Variants in VPS13D observed in about 807,000 individuals in gnomAD.
VPS13D encodes vacuolar protein sorting 13 homolog D.
In VPS13D, 187 loss-of-function variants were observed where a neutral mutation model predicts 461.9. The ratio of observed to expected loss-of-function variants is 0.40; its 90% CI spans 0.36 to 0.46. The LOEUF (loss-of-function observed/expected upper bound fraction) is 0.46. Ranked by LOEUF, VPS13D falls within the 20% of genes least tolerant of loss-of-function variation. The pLI is 0.60. For missense variants in VPS13D, 4,711 were observed against 5,364.9 expected (o/e 0.88, Z 3.81); for synonymous variants, 1,951 against 1,986.3 (o/e 0.98, Z 0.47).
chr1:12,263,707 A>T (rs745763490), intron 13 of VPS13D, among the ~76,000 whole-genome samples: 39 of 152,194 alleles, frequency 2.6e-4, no homozygotes, highest in Non-Finnish European at 4.1e-4. Flanking sequence ...GATTTTTTTT[A>T]AAAAGCCAGT....
At chr1:12,500,112 C>T (rs888001480) in intron 68 of VPS13D, 19 of 985,254 alleles carry the variant, frequency 1.9e-5, no homozygotes, top group Admixed American at 1.2e-4. Context: ...GAAAACCCCA[C>T]GAAGTCCCCA....
At position 12,312,710 on chromosome 1, in the gene VPS13D, G is replaced by T. The variant is rs1642788377; in HGVS notation, c.6935+785G>T. 2.6e-5 allele frequency among the ~76,000 whole-genome samples: 4 copies of T among 152,308 alleles called. No individual in the cohort carries two copies. The South Asian group carries it at 8.3e-4, about 32-fold the overall frequency. ...GGAGATTGAGGCTGCAGTGAGCCATGATCACACCACTGCACTCCAGCCTAG... is the reference window on the plus strand; with the variant it reads ...GGAGATTGAGGCTGCAGTGAGCCATTATCACACCACTGCACTCCAGCCTAG... On this transcript the variant is annotated intron_variant, in intron 29 of 69. Coordinates refer to ENST00000620676, the MANE Select transcript of VPS13D (RefSeq NM_015378.4).
intron 6 of VPS13D, among the ~76,000 whole-genome samples, chr1:12,251,361 G>A (rs1488942974): frequency 6.6e-6 from 1 of 152,176 alleles, no homozygotes; most frequent in African/African-American, 2.4e-5. Context: ...CTCAAACATA[G>A]CTCTTCCTGT....
intron 67 of VPS13D, among the ~76,000 whole-genome samples, chr1:12,472,526 G>C (rs1028023028): frequency 6.6e-6 from 1 of 152,174 alleles, no homozygotes; most frequent in Non-Finnish European, 1.5e-5. Context: ...TTAGCTTTCT[G>C]CTTTGTGGCT....
At chr1:12,241,621 T>C (rs1352465109) in intron 2 of VPS13D, among the ~76,000 whole-genome samples, 2 of 152,202 alleles carry the variant, frequency 1.3e-5, no homozygotes, top group Admixed American at 6.5e-5. Flanking sequence ...CTCTTGTCAG[T>C]TCACTTTCGG....
chr1:12,387,290 C>T (rs1454883339), intron 60 of VPS13D, among the ~76,000 whole-genome samples: 2 of 152,188 alleles, frequency 1.3e-5, no homozygotes, highest in East Asian at 1.9e-4. Flanking sequence ...AAAGAATCAA[C>T]CTCTTCCCAA....
chr1:12,255,430 A>G (rs1259450364), intron 7 of VPS13D, among the ~76,000 whole-genome samples: 1 of 152,192 alleles, frequency 6.6e-6, no homozygotes, highest in Non-Finnish European at 1.5e-5. Context: ...AGAAAATTAC[A>G]GGTTTATCTG....
In VPS13D at chr1:12,349,065, C is replaced by T. The variant is rs1348354139; in HGVS notation, c.9220+92C>T. The T allele has an allele frequency of 6.2e-6, 10 of 1,607,500 alleles. No individual in the cohort carries two copies. In the African/African-American group the frequency reaches 1.2e-4, roughly 19 times the overall value. ...TTTTCCCCAGTGGTATCTTCCCCAGCAGTCAGTATATATGGTCTGTCTTCT... is the reference window on the plus strand; with the variant it reads ...TTTTCCCCAGTGGTATCTTCCCCAGTAGTCAGTATATATGGTCTGTCTTCT... On this transcript the variant is annotated intron_variant, in intron 45 of 69. Transcript: ENST00000620676.
chr1:12,277,471 C>T lies in VPS13D; in HGVS notation c.3883C>T (p.His1295Tyr), dbSNP rs778930094. 1.9e-6 allele frequency: 3 copies of T among 1,614,064 alleles called. No homozygotes were observed. The South Asian group carries it at 3.3e-5, about 18-fold the overall frequency. ...GAAGATGGCTTCTTTACATTATAAC[C>T]ACTCTGCTAAGTTTTTGAAGGAGTT... ...NLKMASLHYN[H>Y]SAKFLKELTL... Residue 1295 changes from histidine to tyrosine, a missense_variant, in exon 19 of 70, where the codon CAC (histidine) becomes TAC (tyrosine). His to Tyr is a moderately conservative substitution (Grantham distance 83, BLOSUM62 2). Coordinates refer to ENST00000620676, the MANE Select transcript of VPS13D (RefSeq NM_015378.4).
Position 12,322,031 on chromosome 1 carries a change from A to G in VPS13D, c.7704+67A>G, listed in dbSNP as rs1218625060. 7 of 1,564,010 alleles carry G rather than the reference A, an allele frequency of 4.5e-6. No individual in the cohort carries two copies. In the African/African-American group the frequency reaches 9.7e-5, roughly 22 times the overall value. Reference sequence around the variant, plus strand: ...AACACTGTCCTATGCAGGCACTCTTATTTGCTCTGAGCCCAACAACCTCTT... The same window carrying G: ...AACACTGTCCTATGCAGGCACTCTTGTTTGCTCTGAGCCCAACAACCTCTT... On this transcript the variant is annotated intron_variant, in intron 33 of 69. Transcript: ENST00000620676.
At position 12,346,584 on chromosome 1, in the gene VPS13D, A is replaced by G. The variant is rs527768417; in HGVS notation, c.9022-21A>G. 1.9e-6 allele frequency: 3 copies of G among 1,612,266 alleles called. No homozygotes were observed. In the South Asian group the frequency reaches 3.3e-5, roughly 18 times the overall value. ...ATTATCTTAAGTCTGTGCTGACTCT[A>G]ACTTTTGAAATCTTTTTCAGATTGG... On this transcript the variant is annotated intron_variant, in intron 43 of 69. Transcript: ENST00000620676.
At position 12,314,300 on chromosome 1, in the gene VPS13D, G is replaced by A; in HGVS notation, c.7121G>A (p.Gly2374Glu). The A allele has an allele frequency of 6.2e-7, 1 of 1,613,880 alleles. No homozygotes were observed. ...GCTAAGAACAGCAGCACCACCCAAG[G>A]GTCCATTCAGATTGAACTACATTTC... ...QPAKNSSTTQ[G>E]SIQIELHFRS... Residue 2374 changes from glycine to glutamate, a missense_variant, in exon 30 of 70, where the codon GGG (glycine) becomes GAG (glutamate). Physicochemically the swap from Gly to Glu is moderately conservative, Grantham distance 98. Around this residue, in one of 3 missense-constraint regions of VPS13D, gnomAD observed 4,411 missense variants for 4,937.8 expected, o/e 0.89. Coordinates refer to ENST00000620676, the MANE Select transcript of VPS13D (RefSeq NM_015378.4).
At chr1:12,313,336 C>T (rs994850204) in intron 29 of VPS13D, among the ~76,000 whole-genome samples, 1 of 112,948 alleles carries the variant, frequency 8.9e-6, no homozygotes, top group South Asian at 3.3e-4. Context: ...AAGACAGAAT[C>T]TCTCTCTGTT....
At chr1:12,260,631 A>C (rs1569718054) in intron 10 of VPS13D, 62 bp from the exon 11 acceptor site, 10 of 1,401,526 alleles carry the variant, frequency 7.1e-6, no homozygotes, top group Middle Eastern at 1.8e-4. Flanking sequence ...GAGGGTGTCC[A>C]GTGTCTCTGG....
At chr1:12,474,051 A>C (rs952741572) in intron 67 of VPS13D, among the ~76,000 whole-genome samples, 2 of 152,204 alleles carry the variant, frequency 1.3e-5, no homozygotes, top group Non-Finnish European at 2.9e-5. Flanking sequence ...GAGTTCAGCC[A>C]AAAGCCCCAC....
At chr1:12,260,544 A>AT in intron 10 of VPS13D, 149 bp from the exon 11 acceptor site, 2 of 642,400 alleles carry the variant, frequency 3.1e-6, no homozygotes, top group South Asian at 3.8e-5. Context: ...TCATGGAACT[A>AT]TTTATCTTGT....
intron 69 of VPS13D, among the ~76,000 whole-genome samples, chr1:12,508,309 C>G (rs547324417): frequency 4.6e-5 from 7 of 152,294 alleles, no homozygotes; most frequent in African/African-American, 1.7e-4. Flanking sequence ...TGTGAATCCC[C>G]CATTCTTGCT....
chr1:12,460,537 C>A, intron 67 of VPS13D, 141 bp downstream of exon 67: 1 of 787,290 alleles, frequency 1.3e-6, no homozygotes, highest in Non-Finnish European at 1.7e-6. Flanking sequence ...AATTTCTGAT[C>A]TGCCTAATAT....
In VPS13D at chr1:12,460,183, C is replaced by T. The variant is rs375832899; in HGVS notation, c.12467-18C>T. On this transcript the variant is annotated intron_variant, in intron 66 of 69. Coordinates refer to ENST00000620676, the MANE Select transcript of VPS13D (RefSeq NM_015378.4). The stretch of plus-strand genomic sequence containing the variant: ...TTTGTCCTCGTCAGGTTACAACAGC[C>T]CTTGTCTTTTTCACTAGGTATCATT... The T allele has an allele frequency of 9.8e-5, 152 of 1,556,422 alleles. No individual in the cohort carries two copies. The highest frequency in any genetic ancestry group is 5.1e-4 in the Middle Eastern group (3 of 5,872).
Sources: allele counts gnomAD v4.1 joint callset (sites outside exome capture counted in the v4.1 genomes callset), GRCh38; gene constraint gnomAD v4.1.1; regional missense constraint gnomAD v4.1.1; transcripts MANE v1.5; gene names NCBI Gene and HGNC (gene_info 2026-07-23, HGNC 2026-07-21).